ZFAT: variants seen among roughly 807,000 people sequenced by gnomAD.
The protein encoded by ZFAT is zinc finger protein ZFAT.
ZFAT carries 64 observed loss-of-function variants against 117.7 expected under a neutral mutation model. That is an observed-to-expected ratio of 0.54 (90% CI 0.44 to 0.67). The LOEUF is 0.67. Among genes scored for constraint, ZFAT ranks in the 30% least tolerant of loss-of-function variants. ZFAT has a pLI of 0.00. For missense variants in ZFAT, 1,433 were observed against 1,584.5 expected (o/e 0.90, Z 1.62); for synonymous variants, 679 against 615.0 (o/e 1.10, Z -1.54).
chr8:134,548,571 A>G (rs1563834678), intron 11 of ZFAT, among the ~76,000 whole-genome samples: 1 of 152,078 alleles, frequency 6.6e-6, no homozygotes, highest in Non-Finnish European at 1.5e-5. Context: ...TCATTATACT[A>G]TTTTCTCTAC....
intron 1 of ZFAT, among the ~76,000 whole-genome samples, chr8:134,712,592 G>C (rs1214859045): frequency 6.6e-6 from 1 of 151,124 alleles, no homozygotes; most frequent in African/African-American, 2.4e-5. Context: ...GAAACGGCCG[G>C]GCGCATGCTC....
chr8:134,760,632 C>A, the ZFAT span, among the ~76,000 whole-genome samples: 5 of 152,078 alleles, frequency 3.3e-5, no homozygotes, highest in South Asian at 4.1e-4. Flanking sequence ...GTACTAAATG[C>A]TGGGAGGAAT....
At chr8:134,614,421 T>A (rs181861462) in intron 3 of ZFAT, among the ~76,000 whole-genome samples, 1 of 152,256 alleles carries the variant, frequency 6.6e-6, no homozygotes, top group East Asian at 1.9e-4. Context: ...AAAAGGCAGC[T>A]CAGATTTCCC....
chr8:134,622,767 G>A (rs1243127940), intron 3 of ZFAT, among the ~76,000 whole-genome samples: 1 of 152,098 alleles, frequency 6.6e-6, no homozygotes, highest in African/African-American at 2.4e-5. Context: ...GGGAAAGTCG[G>A]GGATGGGGAG....
At chr8:134,522,995 G>T (rs1459290428) in intron 12 of ZFAT, among the ~76,000 whole-genome samples, 1 of 152,132 alleles carries the variant, frequency 6.6e-6, no homozygotes, top group Non-Finnish European at 1.5e-5. Flanking sequence ...CCAGTTGTGG[G>T]TGAGAGTTCC....
At chr8:134,577,922 T>C (rs1402436064) in intron 10 of ZFAT, among the ~76,000 whole-genome samples, 2 of 152,002 alleles carry the variant, frequency 1.3e-5, no homozygotes, top group African/African-American at 2.4e-5. Flanking sequence ...GCCACGGGCG[T>C]CTGGATTACT....
chr8:134,665,643 G>A (rs963887082), intron 1 of ZFAT, among the ~76,000 whole-genome samples: 6 of 152,186 alleles, frequency 3.9e-5, no homozygotes, highest in Non-Finnish European at 5.9e-5. Flanking sequence ...GCAGTCTATA[G>A]AATACAGACA....
At chr8:134,759,983 A>C in the ZFAT span, among the ~76,000 whole-genome samples, 2 of 149,084 alleles carry the variant, frequency 1.3e-5, no homozygotes, top group Non-Finnish European at 3.0e-5. Context: ...AAAAAAAAAA[A>C]AAAAAAACAA....
chr8:134,806,865 A>G, the ZFAT span, among the ~76,000 whole-genome samples: 2 of 152,222 alleles, frequency 1.3e-5, no homozygotes, highest in Non-Finnish European at 2.9e-5. Context: ...AGTATCTTCT[A>G]GACACAATCT....
chr8:134,829,947 A>AT, the ZFAT span, among the ~76,000 whole-genome samples: 9 of 152,234 alleles, frequency 5.9e-5, no homozygotes, highest in Non-Finnish European at 7.3e-5. Flanking sequence ...GAATTATTTT[A>AT]TTTTTGGCCA....
intron 3 of ZFAT, among the ~76,000 whole-genome samples, chr8:134,630,811 G>GT (rs1829836467): frequency 6.6e-6 from 1 of 152,174 alleles, no homozygotes; most frequent in Non-Finnish European, 1.5e-5. Flanking sequence ...AACTTGCCAT[G>GT]GTTCAGGGTA....
chr8:134,637,383 T>C, intron 3 of ZFAT, 78 bp downstream of exon 3: 1 of 1,528,034 alleles, frequency 6.5e-7, no homozygotes, highest in Non-Finnish European at 8.9e-7. Context: ...AAGTAAAAAC[T>C]GACCCAGTGA....
intron 12 of ZFAT, among the ~76,000 whole-genome samples, chr8:134,532,387 G>C (rs1000608579): frequency 2.1e-4 from 32 of 152,198 alleles, no homozygotes; most frequent in Non-Finnish European, 8.8e-5. Context: ...AGAATTGTTA[G>C]TGTTTCCATT....
chr8:134,799,036 T>C, the ZFAT span, among the ~76,000 whole-genome samples: 2 of 152,114 alleles, frequency 1.3e-5, no homozygotes, highest in Non-Finnish European at 1.5e-5. Flanking sequence ...AATTAACATG[T>C]GGAGCTCACT....
the ZFAT span, among the ~76,000 whole-genome samples, chr8:134,810,205 C>T: frequency 6.6e-6 from 1 of 152,102 alleles, no homozygotes; most frequent in African/African-American, 2.4e-5. Flanking sequence ...ACGCAACCTA[C>T]GTTTCAATAA....
At chr8:134,658,532 C>G (rs1275752563) in intron 1 of ZFAT, among the ~76,000 whole-genome samples, 1 of 152,142 alleles carries the variant, frequency 6.6e-6, no homozygotes, top group Non-Finnish European at 1.5e-5. Context: ...TTTAAAGCCA[C>G]TGAATTCCTA....
chr8:134,722,629 G>T, the ZFAT span, among the ~76,000 whole-genome samples: 1 of 152,170 alleles, frequency 6.6e-6, no homozygotes, highest in South Asian at 2.1e-4. Flanking sequence ...CTCTCACTTT[G>T]CAGATGAGGA....
intron 7 of ZFAT, chr8:134,599,761 AAG>A (rs1418374349): frequency 2.2e-6 from 1 of 456,114 alleles, no homozygotes; most frequent in South Asian, 1.6e-5. Flanking sequence ...TTATAACTTG[AAG>A]AAGTCTCAAA....
chr8:134,738,287 CCCTGGG>C, the ZFAT span, among the ~76,000 whole-genome samples: 7 of 152,120 alleles, frequency 4.6e-5, no homozygotes, highest in Admixed American at 3.9e-4. Context: ...AATCAGGCAG[CCCTGGG>C]TAGAATTCTG....
Sources: allele counts gnomAD v4.1 joint callset (sites outside exome capture counted in the v4.1 genomes callset), GRCh38; gene constraint gnomAD v4.1.1; transcripts MANE v1.5; gene names NCBI Gene and HGNC (gene_info 2026-07-23, HGNC 2026-07-21).